CMPK1: variants seen among roughly 807,000 people sequenced by gnomAD.
CMPK1 encodes the protein cytidine/uridine monophosphate kinase 1.
A neutral mutation model predicts 25.7 loss-of-function variants in CMPK1; 10 were observed. That is an observed-to-expected ratio of 0.39 (90% CI 0.24 to 0.66). The LOEUF (loss-of-function observed/expected upper bound fraction) is 0.66. CMPK1 is among the 30% of genes least tolerant of loss of function. The pLI is 0.48. For synonymous variants in CMPK1, 106 were observed against 101.5 expected (o/e 1.04, Z -0.27); for missense variants, 199 against 280.5 (o/e 0.71, Z 2.08).
intron 2 of CMPK1, among the ~76,000 whole-genome samples, chr1:47,371,181 T>C (rs868182365): frequency 3.3e-5 from 5 of 152,212 alleles, no homozygotes; most frequent in African/African-American, 9.6e-5. Context: ...ACTAAAGACA[T>C]TGGGGATGAA....
chr1:47,360,636 A>G (rs928136995), intron 1 of CMPK1, among the ~76,000 whole-genome samples: 2 of 152,350 alleles, frequency 1.3e-5, no homozygotes, highest in African/African-American at 4.8e-5. Context: ...AGTGAGGCTC[A>G]AGTCATTTTA....
chr1:47,343,283 G>A (rs1367005652), intron 1 of CMPK1, among the ~76,000 whole-genome samples: 8 of 148,604 alleles, frequency 5.4e-5, no homozygotes, highest in Non-Finnish European at 1.0e-4. Context: ...CACAATGCCC[G>A]GCCCTCTGTG....
At chr1:47,370,268 C>T (rs1395639956) in intron 2 of CMPK1, among the ~76,000 whole-genome samples, 1 of 151,792 alleles carries the variant, frequency 6.6e-6, no homozygotes, top group Admixed American at 6.6e-5. Flanking sequence ...TTCGCTCAGC[C>T]ATGGTGTCTA....
intron 1 of CMPK1, among the ~76,000 whole-genome samples, chr1:47,335,809 G>T (rs551067871): frequency 6.6e-6 from 1 of 151,932 alleles, no homozygotes; most frequent in Admixed American, 6.6e-5. Context: ...CCGTCACCAG[G>T]CTGGAGTGCG....
chr1:47,344,949 C>T (rs1379675582), intron 1 of CMPK1, among the ~76,000 whole-genome samples: 1 of 152,048 alleles, frequency 6.6e-6, no homozygotes, highest in Non-Finnish European at 1.5e-5. Flanking sequence ...AGGACTCTGG[C>T]TCTGTTGCTC....
chr1:47,366,367 A>G (rs760392225), intron 1 of CMPK1, among the ~76,000 whole-genome samples: 74 of 152,240 alleles, frequency 4.9e-4, no homozygotes, highest in Non-Finnish European at 4.4e-4. Flanking sequence ...ACTGGAAAAT[A>G]TCTATTCTTG....
chr1:47,370,223 C>A (rs1186840393), intron 2 of CMPK1, among the ~76,000 whole-genome samples: 1 of 151,636 alleles, frequency 6.6e-6, no homozygotes, highest in Non-Finnish European at 1.5e-5. Context: ...AGCCCTTTCT[C>A]TGTTTTTTAA....
intron 1 of CMPK1, among the ~76,000 whole-genome samples, chr1:47,351,146 C>G (rs28871045): frequency 1.3e-5 from 2 of 152,012 alleles, no homozygotes; most frequent in Non-Finnish European, 2.9e-5. Context: ...TTCAGTGGCA[C>G]GATCTCAGCT....
intron 1 of CMPK1, among the ~76,000 whole-genome samples, chr1:47,361,200 C>G (rs1466315004): frequency 6.6e-6 from 1 of 152,036 alleles, no homozygotes; most frequent in East Asian, 1.9e-4. Context: ...ACCATCCAGG[C>G]CAATATGGTG....
intron 1 of CMPK1, among the ~76,000 whole-genome samples, chr1:47,355,062 T>G (rs1646550023): frequency 6.6e-6 from 1 of 152,140 alleles, no homozygotes; most frequent in Admixed American, 6.6e-5. Flanking sequence ...CATTGTCTTT[T>G]TTTTTTGAGA....
chr1:47,373,060 G>A lies in CMPK1; in HGVS notation c.424G>A (p.Gly142Arg). 6.2e-7 allele frequency: 1 copy of A among 1,611,364 alleles called. No homozygotes were observed. The highest frequency in any genetic ancestry group is 8.5e-7 in the Non-Finnish European group (1 of 1,178,516). ...TCAAGGATGGAACAAGACCATGGAT[G>A]GGAAGGCAGATGTATCTTTCGTTCT... ...NLQGWNKTMD[G>R]KADVSFVLFF... The change falls in exon 3 of 6, where the codon GGG (glycine) becomes AGG (arginine). Residue 142 changes from glycine to arginine, a missense_variant. Transcript: ENST00000371873.
At chr1:47,352,195 A>G (rs893605168) in intron 1 of CMPK1, among the ~76,000 whole-genome samples, 1 of 152,202 alleles carries the variant, frequency 6.6e-6, no homozygotes, top group Non-Finnish European at 1.5e-5. Flanking sequence ...ATATCTTCTT[A>G]TCGAGCTGTA....
At chr1:47,334,252 G>A in intron 1 of CMPK1, 136 bp downstream of exon 1, 1 of 864,804 alleles carries the variant, frequency 1.2e-6, no homozygotes, top group Non-Finnish European at 1.5e-6. Context: ...CGCCGCCCGC[G>A]TGGCAGTGGC....
chr1:47,378,626 A>C lies in CMPK1; in HGVS notation c.*1881A>C, dbSNP rs1448590614. On this transcript the variant is annotated 3_prime_UTR_variant, in exon 6 of 6. Coordinates refer to ENST00000371873, the MANE Select transcript of CMPK1 (RefSeq NM_016308.3). Reference sequence around the variant, plus strand: ...CTTTTAAGTAGAAAAACATGTTGGCAACATTGAGTTTTGGAGTTGATTGAG... The same window carrying C: ...CTTTTAAGTAGAAAAACATGTTGGCCACATTGAGTTTTGGAGTTGATTGAG... 6.6e-6 allele frequency: 1 copy of C among 152,230 alleles called. No individual in the cohort carries two copies. The highest frequency in any genetic ancestry group is 1.9e-4 in the East Asian group (1 of 5,208). The allele number at this position is 152,230 out of a possible 1,614,324, so 9.4% of individuals were successfully genotyped here. A position where few individuals can be genotyped will look rare whatever the true frequency, so the allele number is the denominator to read the frequency against.
At chr1:47,335,251 A>G (rs567906174) in intron 1 of CMPK1, among the ~76,000 whole-genome samples, 1 of 152,306 alleles carries the variant, frequency 6.6e-6, no homozygotes, top group South Asian at 2.1e-4. Flanking sequence ...CATAACAATC[A>G]ACTCCTGTCC....
chr1:47,345,400 T>C lies in CMPK1; in HGVS notation c.171+11284T>C, dbSNP rs978793056. On this transcript the variant is annotated intron_variant, in intron 1 of 5. Transcript: ENST00000371873. ...TAAGTAATTAGGTCTAAACAATACT[T>C]AAGAAGTATTTTCTAACAAGTTAGT... 6.6e-5 allele frequency among the ~76,000 whole-genome samples: 10 copies of C among 152,018 alleles called. 1 individual carries two copies. The highest frequency in any genetic ancestry group is 1.5e-4 in the Non-Finnish European group (10 of 68,004).
Position 47,372,969 on chromosome 1 carries a change from A to C in CMPK1, c.333A>C (p.Thr111=). 1 of 1,609,602 alleles carries C rather than the reference A, an allele frequency of 6.2e-7. No individual in the cohort carries two copies. Among genetic ancestry groups the C allele is most frequent in the Non-Finnish European group, 8.5e-7 (1 of 1,179,068 alleles). ...TTTTCCTTTAGGAAATGGATCAGAC[A>C]ATGGCTGCCAATGCTCAGAAGAATA... The part of the protein sequence containing the change: ...ISLLKREMDQ[T]MAANAQKNKF... The change falls in exon 3 of 6, where the codon ACA becomes ACC. Residue 111 remains threonine, a synonymous_variant. Transcript: ENST00000371873.
intron 1 of CMPK1, among the ~76,000 whole-genome samples, chr1:47,340,018 C>T (rs1311973934): frequency 1.7e-5 from 2 of 115,408 alleles, no homozygotes; most frequent in Non-Finnish European, 3.3e-5. Flanking sequence ...GCCCTCTTCC[C>T]TCCCCTCCCC....
At chr1:47,363,877 A>C (rs892530055) in intron 1 of CMPK1, among the ~76,000 whole-genome samples, 4 of 152,144 alleles carry the variant, frequency 2.6e-5, no homozygotes, top group Admixed American at 2.6e-4. Flanking sequence ...TGGGAGGCAG[A>C]GGTTGCAGTG....
Sources: gnomAD v4.1 joint callset for allele counts (sites outside exome capture counted in the v4.1 genomes callset) on GRCh38, gnomAD v4.1.1 for gene constraint, MANE v1.5 for transcripts, NCBI Gene and HGNC (gene_info 2026-07-23, HGNC 2026-07-21) for gene names.